AAK1: variants seen among roughly 807,000 people sequenced by gnomAD.
AAK1 encodes the protein AP2 associated kinase 1.
In AAK1, 37 loss-of-function variants were observed where a neutral mutation model predicts 116.0. The ratio of observed to expected loss-of-function variants is 0.32; its 90% CI spans 0.25 to 0.42. The LOEUF is 0.42. Among genes scored for constraint, AAK1 ranks in the 10% least tolerant of loss-of-function variants. AAK1 has a pLI of 1.00. For missense variants in AAK1, 919 were observed against 1,170.6 expected, an observed-to-expected ratio of 0.79 and a Z score of 3.14; for synonymous variants, 458 against 439.9, an observed-to-expected ratio of 1.04 and a Z score of -0.51.
chr2:69,556,932 T>C lies in AAK1; in HGVS notation c.210A>G (p.Lys70=), dbSNP rs780201023. ...TGACAAACATGCGTTTCAAGGCACA[T>C]TTCATCCCATTGCTTGTCCTCACCA... ...VFLVRTSNGM[K]CALKRMFVNN... Residue 70 remains lysine, a synonymous_variant, in exon 3 of 22, where the codon AAA becomes AAG. Transcript: ENST00000409085. 2.2e-5 allele frequency: 35 copies of C among 1,613,822 alleles called. No homozygotes were observed. The highest frequency in any genetic ancestry group is 2.7e-5 in the Non-Finnish European group (32 of 1,179,840).
At chr2:69,582,144 AT>A (rs1286482953) in intron 2 of AAK1, among the ~76,000 whole-genome samples, 1 of 152,234 alleles carries the variant, frequency 6.6e-6, no homozygotes, top group East Asian at 1.9e-4. Context: ...TAGTAAATAA[AT>A]AGCTAAATGC....
At chr2:69,553,674 C>G (rs534129781) in intron 3 of AAK1, among the ~76,000 whole-genome samples, 1 of 151,890 alleles carries the variant, frequency 6.6e-6, no homozygotes, top group Admixed American at 6.5e-5. Flanking sequence ...CATCTCCTGA[C>G]CTCGTGATCT....
chr2:69,564,611 G>A (rs1218250387), intron 2 of AAK1, among the ~76,000 whole-genome samples: 4 of 152,170 alleles, frequency 2.6e-5, no homozygotes, highest in Admixed American at 6.5e-5. Flanking sequence ...GCTATGCCCC[G>A]CTTCACCTTG....
intron 17 of AAK1, among the ~76,000 whole-genome samples, chr2:69,483,844 C>T (rs1269225389): frequency 6.6e-6 from 1 of 152,210 alleles, no homozygotes; most frequent in African/African-American, 2.4e-5. Flanking sequence ...CTTGTCACAC[C>T]TGGTAACTTA....
rs1162554229 is a variant in AAK1, at chr2:69,459,027, G to A, written c.*16842C>T. ...TTAGAAATGGCTGGGGGACAGCTGA[G>A]AATAAATTTATGGAATTACAAATTA... On this transcript the variant is annotated 3_prime_UTR_variant, in exon 22 of 22. Coordinates refer to ENST00000409085, the MANE Select transcript of AAK1 (RefSeq NM_014911.5). 1 of 152,124 alleles carries A rather than the reference G, an allele frequency of 6.6e-6. No individual in the cohort carries two copies. The highest frequency in any genetic ancestry group is 1.5e-5 in the Non-Finnish European group (1 of 68,034). 9.4% of individuals were successfully genotyped at this position (152,124 alleles called of 1,614,324 possible).
At chr2:69,547,022 A>G (rs1392353880) in intron 3 of AAK1, among the ~76,000 whole-genome samples, 1 of 152,094 alleles carries the variant, frequency 6.6e-6, no homozygotes, top group African/African-American at 2.4e-5. Context: ...CTGATTTTTG[A>G]CAAGGGTGCC....
At position 69,472,978 on chromosome 2, in the gene AAK1, G is replaced by A. The variant is rs1386460886; in HGVS notation, c.*2891C>T. 5.1e-6 allele frequency: 5 copies of A among 984,488 alleles called. No individual in the cohort carries two copies. The allele number at this position is 984,488 out of a possible 1,614,324, so 61.0% of individuals were successfully genotyped here. A position where few individuals can be genotyped will look rare whatever the true frequency, so the allele number is the denominator to read the frequency against. ...GTAAACACTGCTACCGTAATAGCAG[G>A]AACTACAGAAGATAACTGAAGAACA... is the stretch of plus-strand genomic sequence containing the variant. On this transcript the variant is annotated 3_prime_UTR_variant, in exon 22 of 22. Transcript: ENST00000409085.
chr2:69,622,776 G>A (rs1441112317), intron 2 of AAK1, among the ~76,000 whole-genome samples: 3 of 152,144 alleles, frequency 2.0e-5, no homozygotes, highest in Non-Finnish European at 4.4e-5. Flanking sequence ...AGCACCCTGT[G>A]TCTAGCTCAG....
intron 2 of AAK1, among the ~76,000 whole-genome samples, chr2:69,579,077 C>T (rs1228343945): frequency 6.6e-6 from 1 of 152,162 alleles, no homozygotes; most frequent in Admixed American, 6.5e-5. Flanking sequence ...GCTACCACCC[C>T]TTTCCTCTCT....
Position 69,471,503 on chromosome 2 carries a change from T to C in AAK1, c.*4366A>G. ...TGGAGTGTTTCAGGAAAGCTTCCAT[T>C]CTAAATATTCATGTGATAGTTTTTC... On this transcript the variant is annotated 3_prime_UTR_variant, in exon 22 of 22. Transcript: ENST00000409085. The C allele has an allele frequency of 3.0e-6, 3 of 985,430 alleles. No homozygotes were observed. The highest frequency in any genetic ancestry group is 3.6e-6 in the Non-Finnish European group (3 of 829,928). The allele number at this position is 985,430 out of a possible 1,614,324, so 61.0% of individuals were successfully genotyped here. A position where few individuals can be genotyped will look rare whatever the true frequency, so the allele number is the denominator to read the frequency against.
At position 69,642,862 on chromosome 2, in the gene AAK1, T is replaced by C. The variant is rs747656120; in HGVS notation, c.163+16A>G. The C allele has an allele frequency of 1.8e-5, 29 of 1,613,546 alleles. No homozygotes were observed. The highest frequency in any genetic ancestry group is 1.6e-4 in the South Asian group (15 of 91,082). ...GCACAAGATTTTAATTTACGGCGCATTGAGCCCCACCGTACCTTCCGCCAA... is the reference window on the plus strand; with the variant it reads ...GCACAAGATTTTAATTTACGGCGCACTGAGCCCCACCGTACCTTCCGCCAA... On this transcript the variant is annotated intron_variant, in intron 2 of 21. Transcript: ENST00000409085.
At position 69,475,972 on chromosome 2, in the gene AAK1, G is replaced by T. The variant is rs745485827; in HGVS notation, c.2792-9C>A. On this transcript the variant is annotated splice_polypyrimidine_tract_variant and intron_variant, in intron 21 of 21. Transcript: ENST00000409085. ...GTTTCTAGAGTGCCCACCTGGAAGTGGAGAGATAGGAATTCAGTACAAAAC... is the reference window on the plus strand; with the variant it reads ...GTTTCTAGAGTGCCCACCTGGAAGTTGAGAGATAGGAATTCAGTACAAAAC... 9 of 1,607,894 alleles carry T rather than the reference G, an allele frequency of 5.6e-6. No homozygotes were observed. Among genetic ancestry groups the T allele is most frequent in the Non-Finnish European group, 6.8e-6 (8 of 1,177,086 alleles).
Position 69,630,243 on chromosome 2 carries a change from A to C in AAK1, c.163+12635T>G, listed in dbSNP as rs558099306. On this transcript the variant is annotated intron_variant, in intron 2 of 21. Transcript: ENST00000409085. Reference sequence around the variant, plus strand: ...ACACACAGGTAGCTTTCAAGAGGTGAGAGTTTAAAAAACAAAAATCAAACT... The same window carrying C: ...ACACACAGGTAGCTTTCAAGAGGTGCGAGTTTAAAAAACAAAAATCAAACT... Among the ~76,000 whole-genome samples, 102 of 151,602 alleles carry C rather than the reference A, an allele frequency of 6.7e-4. 1 individual carries two copies. The South Asian group carries it at 0.021, about 31-fold the overall frequency.
intron 2 of AAK1, among the ~76,000 whole-genome samples, chr2:69,606,963 G>T (rs1282406902): frequency 5.9e-5 from 9 of 151,408 alleles, no homozygotes; most frequent in Non-Finnish European, 1.3e-4. Context: ...CTACTTGGCA[G>T]GCTGAGGTGG....
Position 69,467,585 on chromosome 2 carries a change from A to G in AAK1, c.*8284T>C. On this transcript the variant is annotated 3_prime_UTR_variant, in exon 22 of 22. Transcript: ENST00000409085. Reference sequence around the variant, plus strand: ...AAAGAGATACTACTGGAGTTTCCCAACCCACCAGGATAAGAATATTAGATA... The same window carrying G: ...AAAGAGATACTACTGGAGTTTCCCAGCCCACCAGGATAAGAATATTAGATA... The G allele has an allele frequency of 2.0e-6, 2 of 985,428 alleles. No homozygotes were observed. Among genetic ancestry groups the G allele is most frequent in the Non-Finnish European group, 2.4e-6 (2 of 829,926 alleles). The allele number at this position is 985,428 out of a possible 1,614,324, so 61.0% of individuals were successfully genotyped here. A position where few individuals can be genotyped will look rare whatever the true frequency, so the allele number is the denominator to read the frequency against.
intron 2 of AAK1, among the ~76,000 whole-genome samples, chr2:69,568,386 G>T (rs1219959788): frequency 6.6e-6 from 1 of 151,558 alleles, no homozygotes; most frequent in South Asian, 2.1e-4. Flanking sequence ...CCAGGTTATG[G>T]AATACGCACT....
chr2:69,487,436 G>T (rs972734116), intron 17 of AAK1, among the ~76,000 whole-genome samples: 2 of 152,208 alleles, frequency 1.3e-5, no homozygotes, highest in African/African-American at 4.8e-5. Context: ...GGAAACTGTA[G>T]AAGTGTTCCT....
At chr2:69,568,345 A>G (rs1042194331) in intron 2 of AAK1, among the ~76,000 whole-genome samples, 4 of 152,068 alleles carry the variant, frequency 2.6e-5, no homozygotes, top group African/African-American at 9.7e-5. Context: ...AATCCTGAGC[A>G]CTTTCTAGTG....
At chr2:69,563,356 G>C (rs1052059688) in intron 2 of AAK1, among the ~76,000 whole-genome samples, 1 of 152,110 alleles carries the variant, frequency 6.6e-6, no homozygotes, top group South Asian at 2.1e-4. Flanking sequence ...GGAAACAGCT[G>C]GGCAAATAAT....
Sources: gnomAD v4.1 joint callset for allele counts (sites outside exome capture counted in the v4.1 genomes callset) on GRCh38, gnomAD v4.1.1 for gene constraint, MANE v1.5 for transcripts, NCBI Gene and HGNC (gene_info 2026-07-23, HGNC 2026-07-21) for gene names.